The following EGFR variants were observed in gnomAD, a reference collection of about 807,000 sequenced individuals.
The protein encoded by EGFR is epidermal growth factor receptor, also known as avian erythroblastic leukemia viral (v-erb-b) oncogene homolog.
A neutral mutation model predicts 143.0 loss-of-function variants in EGFR; 58 were observed. The observed-to-expected ratio is 0.41, with a 90% CI of 0.33 to 0.50. The LOEUF is 0.50. EGFR is among the 20% of genes least tolerant of loss of function. The pLI, the probability that EGFR is intolerant of heterozygous loss-of-function variation, is 0.39. For synonymous variants in EGFR, 613 were observed against 594.4 expected (o/e 1.03, Z -0.45); for missense variants, 1,307 against 1,579.0 (o/e 0.83, Z 2.92).
chr7:55,056,381 GTAT>G (rs1788819926), intron 1 of EGFR, among the ~76,000 whole-genome samples: 2 of 152,170 alleles, frequency 1.3e-5, no homozygotes, highest in Admixed American at 6.5e-5. Context: ...TTTCAAAATA[GTAT>G]TATGTCTGAT....
chr7:55,205,494 T>A lies in EGFR; in HGVS notation c.3510T>A (p.Pro1170=), dbSNP rs2128975492. 1 of 1,614,198 alleles carries A rather than the reference T, an allele frequency of 6.2e-7. No homozygotes were observed. Among genetic ancestry groups the A allele is most frequent in the African/African-American group, 1.3e-5 (1 of 75,052 alleles). Residue 1170 remains proline, a synonymous_variant, in exon 28 of 28, where the codon CCT becomes CCA. Transcript: ENST00000275493. The part of the protein sequence containing the change: ...KGSHQISLDN[P]DYQQDFFPKE... The stretch of plus-strand genomic sequence containing the variant: ...GCCACCAAATTAGCCTGGACAACCC[T>A]GACTACCAGCAGGACTTCTTTCCCA...
intron 22 of EGFR, among the ~76,000 whole-genome samples, chr7:55,196,452 G>C (rs1787623341): frequency 6.6e-6 from 1 of 151,956 alleles, no homozygotes; most frequent in South Asian, 2.1e-4. Flanking sequence ...TTGCAAAAAT[G>C]TTCACCCATT....
intron 27 of EGFR, among the ~76,000 whole-genome samples, chr7:55,204,854 GCA>G (rs1252522593): frequency 8.9e-6 from 1 of 112,806 alleles, no homozygotes; most frequent in Non-Finnish European, 1.9e-5. Flanking sequence ...ACACCCACAT[GCA>G]CACACCACAC....
At chr7:55,156,011 A>G in intron 8 of EGFR, 65 bp downstream of exon 8, 1 of 1,097,538 alleles carries the variant, frequency 9.1e-7, no homozygotes. Context: ...CTCTCATGCC[A>G]CCTCCAAAGG....
At chr7:55,053,172 C>A (rs1788589688) in intron 1 of EGFR, among the ~76,000 whole-genome samples, 1 of 152,156 alleles carries the variant, frequency 6.6e-6, no homozygotes, top group Non-Finnish European at 1.5e-5. Context: ...GGGACAGACT[C>A]TTTTAATTAT....
intron 1 of EGFR, among the ~76,000 whole-genome samples, chr7:55,113,596 G>C (rs549595597): frequency 1.3e-5 from 2 of 152,016 alleles, no homozygotes; most frequent in African/African-American, 4.8e-5. Flanking sequence ...ATAGAGGATC[G>C]ATAAGGAAAA....
chr7:55,086,232 G>A (rs1790749893), intron 1 of EGFR, among the ~76,000 whole-genome samples: 1 of 152,170 alleles, frequency 6.6e-6, no homozygotes, highest in African/African-American at 2.4e-5. Context: ...GGACAGCCAG[G>A]GGCTTGCACC....
Position 55,019,295 on chromosome 7 carries a change from G to T in EGFR, c.18G>T (p.Thr6=), listed in dbSNP as rs775964175. MRPSG[T]AGAALLALLA... is the part of the protein sequence containing the mutation. Reference sequence around the variant, plus strand: ...GAGCAGCGATGCGACCCTCCGGGACGGCCGGGGCAGCGCTCCTGGCGCTGC... The same window carrying T: ...GAGCAGCGATGCGACCCTCCGGGACTGCCGGGGCAGCGCTCCTGGCGCTGC... Residue 6 remains threonine (T), a synonymous_variant, in exon 1 of 28, where the codon ACG becomes ACT. Transcript: ENST00000275493. The T allele has an allele frequency of 2.6e-6, 4 of 1,510,368 alleles. No individual in the cohort carries two copies. In the African/African-American group the frequency reaches 4.3e-5, roughly 16 times the overall value. 93.6% of individuals were successfully genotyped at this position (1,510,368 alleles called of 1,614,324 possible). A position where few individuals can be genotyped will look rare whatever the true frequency, so the allele number is the denominator to read the frequency against.
chr7:55,044,400 C>A (rs889999579), intron 1 of EGFR, among the ~76,000 whole-genome samples: 1 of 152,124 alleles, frequency 6.6e-6, no homozygotes, highest in Non-Finnish European at 1.5e-5. Context: ...GTTGTTTGTG[C>A]CAAGGTTTTA....
chr7:55,087,365 T>C (rs1044079551), intron 1 of EGFR, among the ~76,000 whole-genome samples: 1 of 145,146 alleles, frequency 6.9e-6, no homozygotes, highest in African/African-American at 2.5e-5. Flanking sequence ...CTGATCAACA[T>C]CAGCAGTGGC....
chr7:55,056,702 G>A (rs929634488), intron 1 of EGFR, among the ~76,000 whole-genome samples: 1 of 152,234 alleles, frequency 6.6e-6, no homozygotes, highest in African/African-American at 2.4e-5. Flanking sequence ...TTTTCTTGAA[G>A]GCAATATTTG....
intron 15 of EGFR, among the ~76,000 whole-genome samples, chr7:55,168,098 G>A (rs773336595): frequency 2.0e-5 from 3 of 151,990 alleles, no homozygotes; most frequent in Non-Finnish European, 2.9e-5. Flanking sequence ...TCATATTTTC[G>A]CCTTTGGGTA....
At chr7:55,183,912 A>T (rs999271879) in intron 20 of EGFR, among the ~76,000 whole-genome samples, 1 of 152,192 alleles carries the variant, frequency 6.6e-6, no homozygotes, top group Non-Finnish European at 1.5e-5. Flanking sequence ...CCCCAGCTCC[A>T]CAAAGGTGAC....
intron 1 of EGFR, among the ~76,000 whole-genome samples, chr7:55,099,004 T>C (rs574762889): frequency 6.6e-6 from 1 of 152,342 alleles, no homozygotes; most frequent in South Asian, 2.1e-4. Context: ...ACCTGGCCTC[T>C]GGCAGCTCTT....
At chr7:55,154,387 G>A (rs1200154329) in intron 7 of EGFR, among the ~76,000 whole-genome samples, 1 of 152,216 alleles carries the variant, frequency 6.6e-6, no homozygotes, top group East Asian at 1.9e-4. Flanking sequence ...CAGTGCACAG[G>A]GCAGATCTGG....
At chr7:55,124,368 G>A (rs1232473091) in intron 1 of EGFR, among the ~76,000 whole-genome samples, 1 of 152,114 alleles carries the variant, frequency 6.6e-6, no homozygotes, top group African/African-American at 2.4e-5. Flanking sequence ...AATAAGCCTG[G>A]GCCAAGGCTT....
At chr7:55,035,719 CT>C (rs1388457428) in intron 1 of EGFR, among the ~76,000 whole-genome samples, 9 of 149,162 alleles carry the variant, frequency 6.0e-5, no homozygotes, top group Admixed American at 2.0e-4. Context: ...AGAAATCATA[CT>C]AAAAACAAAA....
intron 1 of EGFR, among the ~76,000 whole-genome samples, chr7:55,055,609 G>A (rs1263456644): frequency 2.0e-5 from 3 of 151,964 alleles, no homozygotes; most frequent in African/African-American, 7.3e-5. Context: ...AAATATATGA[G>A]ATGTGAGTCC....
intron 1 of EGFR, among the ~76,000 whole-genome samples, chr7:55,020,365 T>C (rs1786475905): frequency 6.6e-6 from 1 of 152,154 alleles, no homozygotes; most frequent in Non-Finnish European, 1.5e-5. Context: ...GACGCGGCTG[T>C]CCGGCCACTG....
Sources: gnomAD v4.1 joint callset for allele counts (sites outside exome capture counted in the v4.1 genomes callset) on GRCh38, gnomAD v4.1.1 for gene constraint, MANE v1.5 for transcripts, NCBI Gene and HGNC (gene_info 2026-07-23, HGNC 2026-07-21) for gene names.